GRID2: variants seen among roughly 807,000 people sequenced by gnomAD.
The protein encoded by GRID2 is glutamate ionotropic receptor delta type subunit 2.
Under a neutral mutation model 114.8 loss-of-function variants are expected in GRID2, and 33 were observed. The observed-to-expected ratio is 0.29, with a 90% CI of 0.22 to 0.38. GRID2 has a LOEUF of 0.38. Among genes scored for constraint, GRID2 ranks in the 10% least tolerant of loss-of-function variants. The probability of loss-of-function intolerance (pLI) is 1.00; values close to 1 mark genes in which losing one functional copy is unlikely to be tolerated. For synonymous variants in GRID2, 505 were observed against 449.9 expected (o/e 1.12, Z -1.55); for missense variants, 1,184 against 1,257.7 (o/e 0.94, Z 0.89).
At chr4:93,562,438 AAC>A (rs1256347541) in intron 13 of GRID2, among the ~76,000 whole-genome samples, 5 of 152,036 alleles carry the variant, frequency 3.3e-5, no homozygotes, top group African/African-American at 1.2e-4. Context: ...TATTTTGGAT[AAC>A]AGTCTTTATC....
At chr4:92,622,128 G>A (rs1194521531) in intron 2 of GRID2, among the ~76,000 whole-genome samples, 1 of 151,708 alleles carries the variant, frequency 6.6e-6, no homozygotes, top group Non-Finnish European at 1.5e-5. Context: ...ATGCTACTGG[G>A]GAGAGTCAAT....
chr4:92,760,355 C>T (rs1399629799), intron 2 of GRID2, among the ~76,000 whole-genome samples: 2 of 151,786 alleles, frequency 1.3e-5, no homozygotes, highest in Non-Finnish European at 2.9e-5. Flanking sequence ...CTTCCTCTGG[C>T]TGCTGGGAAG....
intron 1 of GRID2, among the ~76,000 whole-genome samples, chr4:92,322,767 T>C (rs922322609): frequency 2.0e-5 from 3 of 152,134 alleles, no homozygotes; most frequent in Admixed American, 6.6e-5. Context: ...ATTCTTTCCT[T>C]TTATGCTGAT....
intron 1 of GRID2, among the ~76,000 whole-genome samples, chr4:92,327,309 A>T (rs1451675590): frequency 1.3e-5 from 2 of 151,876 alleles, no homozygotes; most frequent in African/African-American, 2.4e-5. Flanking sequence ...ATTTCACATT[A>T]TTCCTAGATA....
intron 3 of GRID2, among the ~76,000 whole-genome samples, chr4:93,099,964 T>C (rs550176349): frequency 6.6e-6 from 1 of 152,014 alleles, no homozygotes; most frequent in African/African-American, 2.4e-5. Flanking sequence ...ATGACTATAA[T>C]ATTACTGACT....
At chr4:92,998,518 G>A (rs771392269) in intron 2 of GRID2, among the ~76,000 whole-genome samples, 163 of 152,036 alleles carry the variant, frequency 1.1e-3, no homozygotes, top group Non-Finnish European at 1.1e-3. Context: ...TAATTGCAGT[G>A]TAGTACCACA....
chr4:92,770,146 C>T (rs1021382874), intron 2 of GRID2, among the ~76,000 whole-genome samples: 10 of 152,202 alleles, frequency 6.6e-5, no homozygotes, highest in African/African-American at 2.2e-4. Context: ...TAAATCATCT[C>T]TCTCAAGTTC....
intron 8 of GRID2, among the ~76,000 whole-genome samples, chr4:93,242,428 A>T (rs1377553139): frequency 2.0e-5 from 3 of 151,994 alleles, no homozygotes; most frequent in African/African-American, 7.2e-5. Flanking sequence ...ATTTAAATTA[A>T]TGTAGGCTTG....
chr4:93,343,169 TGTG>T (rs372212749), intron 8 of GRID2, among the ~76,000 whole-genome samples: 94,195 of 150,076 alleles, frequency 0.63, 29,487 homozygotes, highest in East Asian at 0.72. Flanking sequence ...TGTGTGTGTG[TGTG>T]TGTGTGTGTA....
intron 2 of GRID2, among the ~76,000 whole-genome samples, chr4:92,749,310 C>CTTTTTTTTTTTTTTTT (rs68069370): frequency 1.4e-5 from 1 of 72,006 alleles, no homozygotes; most frequent in East Asian, 4.0e-4. Context: ...TGATTTGTAG[C>CTTTTTTTTTTTTTTTT]TTTTTTTTTT....
At chr4:93,101,315 A>G (rs933450078) in intron 3 of GRID2, among the ~76,000 whole-genome samples, 1 of 152,056 alleles carries the variant, frequency 6.6e-6, no homozygotes, top group African/African-American at 2.4e-5. Context: ...TGTACAATCA[A>G]TTGATCTTAA....
chr4:92,645,067 A>G (rs1004746707), intron 2 of GRID2, among the ~76,000 whole-genome samples: 11 of 151,628 alleles, frequency 7.3e-5, no homozygotes, highest in African/African-American at 2.2e-4. Flanking sequence ...AACTTAAACA[A>G]AAATATTCTA....
intron 2 of GRID2, among the ~76,000 whole-genome samples, chr4:92,683,080 A>T (rs1029173075): frequency 6.6e-6 from 1 of 152,164 alleles, no homozygotes. Flanking sequence ...CGGGCGGATC[A>T]CAAGGTCAGG....
At chr4:93,269,111 A>G (rs929728324) in intron 8 of GRID2, among the ~76,000 whole-genome samples, 2 of 152,164 alleles carry the variant, frequency 1.3e-5, no homozygotes, top group Admixed American at 6.5e-5. Flanking sequence ...GGCATATTTC[A>G]GGAGAATTTT....
intron 1 of GRID2, among the ~76,000 whole-genome samples, chr4:92,305,334 G>C (rs1236240660): frequency 3.3e-5 from 5 of 152,164 alleles, no homozygotes; most frequent in African/African-American, 1.2e-4. Context: ...CTTGCGTGTA[G>C]TCTTTGAGAC....
At chr4:92,931,676 A>T (rs1750249480) in intron 2 of GRID2, among the ~76,000 whole-genome samples, 1 of 150,478 alleles carries the variant, frequency 6.6e-6, no homozygotes, top group Non-Finnish European at 1.5e-5. Flanking sequence ...TAACCAAAAT[A>T]ACCTGGATAA....
intron 1 of GRID2, among the ~76,000 whole-genome samples, chr4:92,482,755 T>TAA (rs1170081780): frequency 6.6e-6 from 1 of 152,168 alleles, no homozygotes; most frequent in Non-Finnish European, 1.5e-5. Context: ...ACGCATAACT[T>TAA]AAAAACTCTA....
intron 2 of GRID2, among the ~76,000 whole-genome samples, chr4:92,764,827 T>G (rs959003387): frequency 6.6e-6 from 1 of 152,278 alleles, no homozygotes; most frequent in Admixed American, 6.5e-5. Context: ...ATTCACTTAG[T>G]ATTGTATAGT....
At chr4:93,749,781 T>C (rs1240119427) in intron 14 of GRID2, among the ~76,000 whole-genome samples, 1 of 152,220 alleles carries the variant, frequency 6.6e-6, no homozygotes, top group Non-Finnish European at 1.5e-5. Context: ...CTTTTTGCTC[T>C]CCATCTCTTA....
Sources: allele counts gnomAD v4.1 joint callset (sites outside exome capture counted in the v4.1 genomes callset), GRCh38; gene constraint gnomAD v4.1.1; transcripts MANE v1.5; gene names NCBI Gene and HGNC (gene_info 2026-07-23, HGNC 2026-07-21).